Variants in NTM observed in about 807,000 individuals in gnomAD.
NTM encodes the protein neurotrimin.
NTM carries 13 observed loss-of-function variants against 42.1 expected under a neutral mutation model. The observed-to-expected ratio is 0.31, with a 90% CI of 0.20 to 0.49. The LOEUF is 0.49. Among genes scored for constraint, NTM ranks in the 20% least tolerant of loss-of-function variants. The pLI, the probability that NTM is intolerant of heterozygous loss-of-function variation, is 0.99. For synonymous variants in NTM, 187 were observed against 179.2 expected (o/e 1.04, Z -0.35); for missense variants, 373 against 452.8 (o/e 0.82, Z 1.60).
At chr11:131,622,212 A>G (rs970240520) in intron 1 of NTM, among the ~76,000 whole-genome samples, 8 of 152,368 alleles carry the variant, frequency 5.3e-5, no homozygotes, top group African/African-American at 1.7e-4. Context: ...AAAGCCAGCA[A>G]GTTTCATCTA....
chr11:131,743,449 CAAAAT>C (rs1290701031), intron 1 of NTM, among the ~76,000 whole-genome samples: 2 of 152,016 alleles, frequency 1.3e-5, no homozygotes, highest in African/African-American at 4.8e-5. Flanking sequence ...AATTATGAAA[CAAAAT>C]AAAACCAAAT....
At chr11:131,837,696 G>A (rs1045578342) in intron 1 of NTM, among the ~76,000 whole-genome samples, 2 of 152,140 alleles carry the variant, frequency 1.3e-5, no homozygotes, top group Admixed American at 6.5e-5. Flanking sequence ...GGTGGAAAAG[G>A]TTCCTGTGCA....
chr11:131,625,499 A>G (rs2063008420), intron 1 of NTM, among the ~76,000 whole-genome samples: 1 of 152,154 alleles, frequency 6.6e-6, no homozygotes, highest in African/African-American at 2.4e-5. Flanking sequence ...AAAGACAGAG[A>G]GACAGACAGA....
At chr11:131,553,698 G>T (rs952659679) in intron 1 of NTM, among the ~76,000 whole-genome samples, 7 of 152,046 alleles carry the variant, frequency 4.6e-5, no homozygotes, top group Non-Finnish European at 8.8e-5. Context: ...GGTTGTTATT[G>T]GTGGTGTTTC....
intron 1 of NTM, among the ~76,000 whole-genome samples, chr11:131,437,170 C>A (rs1949204278): frequency 6.6e-6 from 1 of 152,152 alleles, no homozygotes; most frequent in South Asian, 2.1e-4. Flanking sequence ...GATTTCTGTT[C>A]TTTCACATTT....
intron 2 of NTM, among the ~76,000 whole-genome samples, chr11:132,126,624 G>A (rs1366725345): frequency 6.6e-6 from 1 of 152,152 alleles, no homozygotes; most frequent in East Asian, 1.9e-4. Flanking sequence ...TCTCCCAAGA[G>A]GAGAGGAGCT....
rs1161519103 is a variant in NTM at position 131,518,497 on chromosome 11, C to T, written c.82+147609C>T. Among the ~76,000 whole-genome samples, 5 of 152,222 alleles carry T rather than the reference C, an allele frequency of 3.3e-5. No homozygotes were observed. In the East Asian group the frequency reaches 5.8e-4, roughly 18 times the overall value. The stretch of plus-strand genomic sequence containing the variant: ...TGCTACAAGGCCATCCAACAAAAGC[C>T]CAGTTAACCCATTGAACCCATAATG... On this transcript the variant is annotated intron_variant, in intron 1 of 8. Coordinates refer to ENST00000683400, the MANE Select transcript of NTM (RefSeq NM_001352005.2).
intron 1 of NTM, among the ~76,000 whole-genome samples, chr11:131,772,485 G>A (rs568254380): frequency 6.6e-6 from 1 of 152,302 alleles, no homozygotes; most frequent in South Asian, 2.1e-4. Flanking sequence ...TGCTGGCCTG[G>A]AAGCAGCCTA....
At chr11:131,890,280 A>G (rs1472953978) in intron 1 of NTM, among the ~76,000 whole-genome samples, 2 of 152,160 alleles carry the variant, frequency 1.3e-5, no homozygotes, top group Non-Finnish European at 2.9e-5. Flanking sequence ...CCCTGGAAAC[A>G]GAGCTTTCTA....
chr11:132,309,315 C>T (rs960217470), intron 5 of NTM, among the ~76,000 whole-genome samples: 6 of 152,166 alleles, frequency 3.9e-5, no homozygotes, highest in Admixed American at 6.5e-5. Flanking sequence ...TGGTTTGATT[C>T]AGGGATCTGT....
intron 4 of NTM, among the ~76,000 whole-genome samples, chr11:132,265,803 T>C (rs1221918839): frequency 6.6e-6 from 1 of 152,214 alleles, no homozygotes; most frequent in Non-Finnish European, 1.5e-5. Flanking sequence ...GAATGAAGTA[T>C]GTGCTATTCT....
At chr11:131,701,745 G>T (rs1459568305) in intron 1 of NTM, among the ~76,000 whole-genome samples, 1 of 152,060 alleles carries the variant, frequency 6.6e-6, no homozygotes, top group Admixed American at 6.5e-5. Context: ...GGGTCCTAGG[G>T]CATGAGGGCC....
chr11:132,233,284 G>A (rs2088024476), intron 4 of NTM, among the ~76,000 whole-genome samples: 1 of 152,198 alleles, frequency 6.6e-6, no homozygotes, highest in Non-Finnish European at 1.5e-5. Flanking sequence ...GCCAGGTATG[G>A]TGGTACACAC....
At chr11:131,624,306 G>A (rs1003710614) in intron 1 of NTM, among the ~76,000 whole-genome samples, 1 of 152,206 alleles carries the variant, frequency 6.6e-6, no homozygotes, top group African/African-American at 2.4e-5. Flanking sequence ...GAGGGCCACT[G>A]ATCAGCACTG....
intron 1 of NTM, among the ~76,000 whole-genome samples, chr11:131,555,620 C>G (rs778903534): frequency 4.6e-5 from 7 of 151,744 alleles, no homozygotes; most frequent in African/African-American, 7.2e-5. Flanking sequence ...TTGTTGGCTC[C>G]TTCTTCGATT....
intron 1 of NTM, among the ~76,000 whole-genome samples, chr11:131,760,443 C>A (rs1159771711): frequency 3.3e-5 from 5 of 152,266 alleles, no homozygotes; most frequent in African/African-American, 1.2e-4. Flanking sequence ...TTTGGTATTT[C>A]CGATATGCTG....
Position 131,467,814 on chromosome 11 carries a change from T to A in NTM, c.82+96926T>A, listed in dbSNP as rs114679418. 8.1e-3 allele frequency among the ~76,000 whole-genome samples: 1,233 copies of A among 152,324 alleles called. 16 individuals are homozygous for A. The highest frequency in any genetic ancestry group is 0.028 in the African/African-American group (1,179 of 41,564). The stretch of plus-strand genomic sequence containing the variant: ...CTAGACAGGCTAAAAGCCACAGGAT[T>A]GAATGACCTGGGAAGTTTCCAGAGA... On this transcript the variant is annotated intron_variant, in intron 1 of 8. Transcript: ENST00000683400.
intron 4 of NTM, among the ~76,000 whole-genome samples, chr11:132,242,747 T>C (rs1224163548): frequency 6.6e-6 from 1 of 152,194 alleles, no homozygotes; most frequent in African/African-American, 2.4e-5. Context: ...AATTAGACTT[T>C]GGCCGAACTT....
intron 2 of NTM, among the ~76,000 whole-genome samples, chr11:131,943,669 G>A (rs995969606): frequency 6.6e-6 from 1 of 152,078 alleles, no homozygotes; most frequent in Admixed American, 6.5e-5. Flanking sequence ...CAGCTAGTTG[G>A]CCCAAGCATG....
Sources: allele counts gnomAD v4.1 joint callset (sites outside exome capture counted in the v4.1 genomes callset), GRCh38; gene constraint gnomAD v4.1.1; transcripts MANE v1.5; gene names NCBI Gene and HGNC (gene_info 2026-07-23, HGNC 2026-07-21).